The following ENPP3 variants were observed in gnomAD, a reference collection of about 807,000 sequenced individuals.
ENPP3 encodes the protein ectonucleotide pyrophosphatase/phosphodiesterase 3.
A neutral mutation model predicts 117.8 loss-of-function variants in ENPP3; 104 were observed. That is an observed-to-expected ratio of 0.88 (90% CI 0.75 to 1.04). The LOEUF (loss-of-function observed/expected upper bound fraction) is 1.04, where lower values mean the gene tolerates loss of function less well. Among genes scored for constraint, ENPP3 ranks in the 50% least tolerant of loss-of-function variants. The probability of loss-of-function intolerance (pLI) is 0.00; values close to 1 mark genes in which losing one functional copy is unlikely to be tolerated. For synonymous variants in ENPP3, 380 were observed against 349.9 expected (o/e 1.09, Z -0.96); for missense variants, 1,026 against 1,051.9 (o/e 0.98, Z 0.34).
At chr6:131,733,803 T>C in intron 21 of ENPP3, 80 bp downstream of exon 21, 7 of 1,448,302 alleles carry the variant, frequency 4.8e-6, no homozygotes, top group Non-Finnish European at 6.6e-6. Context: ...AAACATATAC[T>C]CCCCACCAAA....
chr6:131,730,212 C>T (rs867166910), intron 20 of ENPP3, among the ~76,000 whole-genome samples: 6 of 152,114 alleles, frequency 3.9e-5, no homozygotes, highest in Admixed American at 1.3e-4. Flanking sequence ...AATATACCAG[C>T]GGTCTATGGG....
At chr6:131,741,474 C>A (rs1025534018) in intron 24 of ENPP3, among the ~76,000 whole-genome samples, 7 of 152,152 alleles carry the variant, frequency 4.6e-5, no homozygotes, top group Admixed American at 1.3e-4. Context: ...AAATTAAAAT[C>A]ACATTTGGCT....
intron 15 of ENPP3, among the ~76,000 whole-genome samples, chr6:131,696,952 G>T (rs1345085177): frequency 2.0e-5 from 3 of 151,996 alleles, no homozygotes; most frequent in African/African-American, 7.2e-5. Flanking sequence ...TGTATTTCTA[G>T]TAGAGACGAG....
intron 13 of ENPP3, 58 bp from the exon 14 acceptor site, chr6:131,685,818 C>A: frequency 2.7e-6 from 2 of 731,442 alleles, no homozygotes; most frequent in Non-Finnish European, 4.9e-6. Context: ...GGTTCACATT[C>A]TTTGCATTTG....
chr6:131,738,989 A>T (rs958375323), intron 23 of ENPP3, among the ~76,000 whole-genome samples: 14 of 152,160 alleles, frequency 9.2e-5, no homozygotes, highest in African/African-American at 3.1e-4. Context: ...CAATTTATTA[A>T]TTCTAATAAT....
intron 20 of ENPP3, among the ~76,000 whole-genome samples, chr6:131,729,224 G>A (rs147363777): frequency 8.6e-5 from 13 of 151,960 alleles, no homozygotes; most frequent in African/African-American, 2.9e-4. Flanking sequence ...AAACATTTTT[G>A]AACTATGAAA....
chr6:131,676,837 G>C, intron 10 of ENPP3, 36 bp downstream of exon 10: 3 of 1,337,372 alleles, frequency 2.2e-6, no homozygotes, highest in Non-Finnish European at 3.2e-6. Flanking sequence ...TGGCATAGTG[G>C]CATATATATG....
chr6:131,659,294 A>AT (rs72017051), intron 6 of ENPP3, among the ~76,000 whole-genome samples: 10,692 of 151,182 alleles, frequency 0.071, 771 homozygotes, highest in African/African-American at 0.18. Flanking sequence ...TTTAATAATA[A>AT]TTTTTTTTTA....
chr6:131,728,379 C>T (rs1011605265), intron 20 of ENPP3, among the ~76,000 whole-genome samples: 2 of 152,078 alleles, frequency 1.3e-5, no homozygotes, highest in Non-Finnish European at 2.9e-5. Flanking sequence ...AAACCAAAGG[C>T]GGAGAGATTC....
chr6:131,731,560 T>A (rs900725814), intron 20 of ENPP3, among the ~76,000 whole-genome samples: 51 of 152,350 alleles, frequency 3.3e-4, no homozygotes, highest in African/African-American at 1.2e-3. Flanking sequence ...TGTCTTTTAG[T>A]CTGATCATCC....
chr6:131,638,051 C>G (rs1777964314), intron 1 of ENPP3, among the ~76,000 whole-genome samples: 1 of 151,476 alleles, frequency 6.6e-6, no homozygotes, highest in South Asian at 2.1e-4. Flanking sequence ...ATTACTCTCT[C>G]TTTTCCCTTT....
chr6:131,738,385 A>G (rs1780447388), intron 23 of ENPP3, among the ~76,000 whole-genome samples: 1 of 152,162 alleles, frequency 6.6e-6, no homozygotes, highest in Non-Finnish European at 1.5e-5. Context: ...GTTTAGCAAA[A>G]TTTTATTTGG....
intron 6 of ENPP3, among the ~76,000 whole-genome samples, chr6:131,670,616 G>A (rs868808575): frequency 6.6e-6 from 1 of 151,958 alleles, no homozygotes; most frequent in Non-Finnish European, 1.5e-5. Context: ...TCAGCCTCCC[G>A]AGTAGCTAGG....
chr6:131,743,097 A>C (rs778811808), intron 24 of ENPP3, among the ~76,000 whole-genome samples: 1 of 152,170 alleles, frequency 6.6e-6, no homozygotes, highest in South Asian at 2.1e-4. Context: ...AGTTAATAAG[A>C]GTAGCTGTCA....
intron 2 of ENPP3, among the ~76,000 whole-genome samples, chr6:131,642,343 C>T (rs1341651407): frequency 6.6e-6 from 1 of 151,970 alleles, no homozygotes; most frequent in Non-Finnish European, 1.5e-5. Context: ...ATAATAATAT[C>T]TTCAAAAATT....
intron 8 of ENPP3, 89 bp downstream of exon 8, chr6:131,674,370 C>A: frequency 1.6e-6 from 2 of 1,259,944 alleles, no homozygotes; most frequent in South Asian, 1.2e-5. Flanking sequence ...GGAGCAAGTT[C>A]TATGTCACCC....
chr6:131,670,363 ATAGAGTACATT>A (rs568441578), intron 6 of ENPP3, among the ~76,000 whole-genome samples: 98 of 152,384 alleles, frequency 6.4e-4, no homozygotes, highest in Non-Finnish European at 1.0e-3. Context: ...AGTGTATAAT[ATAGAGTACATT>A]TAGCTCAGGG....
At position 131,669,655 on chromosome 6, in the gene ENPP3, CAAAAAA is replaced by C. The variant is rs67597128; in HGVS notation, c.563-1574_563-1569del. The stretch of plus-strand genomic sequence containing the variant: ...TGGGTGACAGAGCGAGACTCCATCT[CAAAAAA>C]AAAAAAAAAAAAAAAAAAGAAAGAA... On this transcript the variant is annotated intron_variant, in intron 6 of 24. Coordinates refer to ENST00000357639, the MANE Select transcript of ENPP3 (RefSeq NM_005021.5). 8.1e-5 allele frequency among the ~76,000 whole-genome samples: 5 copies of C among 61,740 alleles called. No homozygotes were observed. In the South Asian group the frequency reaches 3.9e-3, roughly 48 times the overall value. The allele number at this position is 61,740 out of a possible 152,430, so 40.5% of individuals were successfully genotyped here.
At chr6:131,722,465 G>A (rs1780057264) in intron 18 of ENPP3, 60 bp downstream of exon 18, 2 of 1,412,176 alleles carry the variant, frequency 1.4e-6, no homozygotes. Context: ...CTTAACCTGG[G>A]TAGCTGACAA....
Sources: gnomAD v4.1 joint callset for allele counts (sites outside exome capture counted in the v4.1 genomes callset) on GRCh38, gnomAD v4.1.1 for gene constraint, MANE v1.5 for transcripts, NCBI Gene and HGNC (gene_info 2026-07-23, HGNC 2026-07-21) for gene names.